ZNF75A: variants seen among roughly 807,000 people sequenced by gnomAD.
ZNF75A encodes zinc finger protein 75A.
A neutral mutation model predicts 46.3 loss-of-function variants in ZNF75A; 36 were observed. That is an observed-to-expected ratio of 0.78 (90% CI 0.60 to 1.03). The LOEUF (loss-of-function observed/expected upper bound fraction) is 1.03, where lower values mean the gene tolerates loss of function less well. Among genes scored for constraint, ZNF75A ranks in the 50% least tolerant of loss-of-function variants. ZNF75A has a pLI of 0.00. For synonymous variants in ZNF75A, 234 were observed against 189.9 expected (o/e 1.23, Z -1.91); for missense variants, 595 against 551.3 (o/e 1.08, Z -0.79).
chr16:3,313,147 G>C lies in ZNF75A; in HGVS notation c.795G>C (p.Gln265His). Residue 265 changes from glutamine (Q) to histidine (H), a missense_variant, in exon 5 of 7, where the codon CAG becomes CAC. Transcript: ENST00000669516. ...TQKALYNDVM[Q>H]ENYETVISLA... is the part of the protein sequence containing the mutation. ...AGGCCCTCTACAATGATGTAATGCA[G>C]GAAAACTATGAGACTGTCATCTCTC... The C allele has an allele frequency of 6.2e-7, 1 of 1,614,024 alleles. No individual in the cohort carries two copies. The highest frequency in any genetic ancestry group is 8.5e-7 in the Non-Finnish European group (1 of 1,179,950).
Position 3,308,605 on chromosome 16 carries a change from A to T in ZNF75A, c.177A>T (p.Ala59=), listed in dbSNP as rs1214441427. 1 of 986,072 alleles carries T rather than the reference A, an allele frequency of 1.0e-6. No homozygotes were observed. Among genetic ancestry groups the T allele is most frequent in the Non-Finnish European group, 1.2e-6 (1 of 830,012 alleles). The allele number at this position is 986,072 out of a possible 1,614,324, so 61.1% of individuals were successfully genotyped here. The change falls in exon 2 of 7, where the codon GCA becomes GCT. Residue 59 remains alanine, a synonymous_variant. Transcript: ENST00000669516. ...WHFRNFTYDE[A]GGPREAVSKL... is the part of the protein sequence containing the mutation. ...TCCGGAATTTCACCTATGATGAAGC[A>T]GGTGGACCCCGTGAGGCTGTCAGCA...
chr16:3,312,693 G>C lies in ZNF75A; in HGVS notation c.621G>C (p.Gln207His), dbSNP rs145689947. 2.8e-5 allele frequency: 28 copies of C among 1,016,532 alleles called. No individual in the cohort carries two copies. In the South Asian group the frequency reaches 3.3e-4, roughly 12 times the overall value. 63.0% of individuals were successfully genotyped at this position (1,016,532 alleles called of 1,614,324 possible). Reference protein sequence around the residue: ...PVYERAVPTQQILAFPEQTNT... With the variant: ...PVYERAVPTQHILAFPEQTNT... The stretch of plus-strand genomic sequence containing the variant: ...CCCCCACAGCTGTGCCTACTCAACA[G>C]ATTCTAGCTTTTCCTGAGCAAACAA... Residue 207 changes from glutamine to histidine, a missense_variant, in exon 4 of 7, where the codon CAG (glutamine) becomes CAC (histidine). Transcript: ENST00000669516.
downstream of ZNF75A, among the ~76,000 whole-genome samples, chr16:3,321,404 C>G (rs948820916): frequency 5.9e-5 from 9 of 152,296 alleles, no homozygotes; most frequent in Non-Finnish European, 1.0e-4. Context: ...CTGCACTAGT[C>G]TAAGTTCAGT....
intron 2 of ZNF75A, among the ~76,000 whole-genome samples, chr16:3,310,306 A>G (rs1172766235): frequency 6.6e-6 from 1 of 152,012 alleles, no homozygotes; most frequent in African/African-American, 2.4e-5. Flanking sequence ...AGGCAGGAGA[A>G]TGGCTTGAAC....
intron 5 of ZNF75A, among the ~76,000 whole-genome samples, chr16:3,314,012 C>CT (rs1414381402): frequency 1.3e-5 from 2 of 152,066 alleles, no homozygotes; most frequent in Non-Finnish European, 2.9e-5. Flanking sequence ...TTGAGTACAT[C>CT]TAAGTTTTGC....
At chr16:3,306,957 T>C (rs1960314141) in intron 1 of ZNF75A, 2 of 151,988 alleles carry the variant, frequency 1.3e-5, no homozygotes, top group African/African-American at 4.8e-5. Context: ...AATAACTTTT[T>C]TTTTTTTTTT....
At chr16:3,306,066 C>T (rs906359054) in intron 1 of ZNF75A, 1 of 152,210 alleles carries the variant, frequency 6.6e-6, no homozygotes, top group Non-Finnish European at 1.5e-5. Context: ...GGAAGTGTCT[C>T]TTTGCTTCTG....
chr16:3,315,191 T>TG, intron 5 of ZNF75A: 3 of 533,972 alleles, frequency 5.6e-6, no homozygotes, highest in Non-Finnish European at 4.8e-6. Flanking sequence ...CTGTCATGTT[T>TG]TTTTTTTTTT....
chr16:3,314,215 CAGAA>C (rs756840980), intron 5 of ZNF75A, among the ~76,000 whole-genome samples: 4 of 152,118 alleles, frequency 2.6e-5, no homozygotes, highest in Non-Finnish European at 4.4e-5. Flanking sequence ...CCTATCTTTC[CAGAA>C]AGAATCAGGA....
intron 5 of ZNF75A, chr16:3,316,628 A>G (rs960035745): frequency 8.7e-6 from 2 of 229,910 alleles, no homozygotes; most frequent in African/African-American, 4.6e-5. Context: ...CCTTGGTTGG[A>G]TATAGGGTAT....
chr16:3,317,421 T>C lies in ZNF75A; in HGVS notation c.1166T>C (p.Met389Thr), dbSNP rs748568648. ...STWKQELLKL[M>T]DRHKKDCARE... ...TGGAAACAAGAGCTGCTCAAACTTA[T>C]GGATCGTCACAAGAAAGATTGTGCA... is the stretch of plus-strand genomic sequence containing the variant. The change falls in exon 7 of 7, where the codon ATG becomes ACG. Residue 389 changes from methionine to threonine, a missense_variant. By Grantham distance (81) the Met-to-Thr change is moderately conservative. Transcript: ENST00000669516. The C allele has an allele frequency of 1.2e-5, 19 of 1,614,124 alleles. No homozygotes were observed. Among genetic ancestry groups the C allele is most frequent in the Middle Eastern group, 1.6e-4 (1 of 6,062 alleles).
Position 3,310,889 on chromosome 16 carries a change from G to A in ZNF75A, c.409-864G>A, listed in dbSNP as rs141898819. 303 of 985,358 alleles carry A rather than the reference G, an allele frequency of 3.1e-4. 1 individual carries two copies. The African/African-American group carries it at 4.3e-3, about 14-fold the overall frequency. The allele number at this position is 985,358 out of a possible 1,614,324, so 61.0% of individuals were successfully genotyped here. A position where few individuals can be genotyped will look rare whatever the true frequency, so the allele number is the denominator to read the frequency against. ...GGGTGGCGACACATCTGCTGACCTC[G>A]GGTCTGCTGGGAAGAATACAGGGCA... On this transcript the variant is annotated intron_variant, in intron 2 of 6. Transcript: ENST00000669516.
downstream of ZNF75A, among the ~76,000 whole-genome samples, chr16:3,322,044 CAT>C (rs1195630445): frequency 6.6e-6 from 1 of 152,180 alleles, no homozygotes; most frequent in African/African-American, 2.4e-5. Flanking sequence ...TCCTCCCTGT[CAT>C]GTGTGATGAA....
intron 2 of ZNF75A, among the ~76,000 whole-genome samples, chr16:3,310,340 G>A (rs1468323080): frequency 6.6e-6 from 1 of 151,898 alleles, no homozygotes; most frequent in Non-Finnish European, 1.5e-5. Context: ...GCTGCAGTGA[G>A]CTGAGATTGC....
At chr16:3,314,788 G>A in intron 5 of ZNF75A, 1 of 985,396 alleles carries the variant, frequency 1.0e-6, no homozygotes, top group Non-Finnish European at 1.2e-6. Context: ...TTTTTCTCAG[G>A]AAGAATTGGA....
At chr16:3,323,074 A>C (rs2030004948), downstream of ZNF75A, 3 of 548,002 alleles carry the variant, frequency 5.5e-6, no homozygotes, top group Non-Finnish European at 8.3e-6. Flanking sequence ...CAGTTTTTGA[A>C]GATAAAGCAG....
At chr16:3,310,071 G>C (rs959253823) in intron 2 of ZNF75A, among the ~76,000 whole-genome samples, 4 of 152,080 alleles carry the variant, frequency 2.6e-5, no homozygotes, top group Admixed American at 2.6e-4. Flanking sequence ...TCTGGCCTGG[G>C]CAACAGAGTG....
At chr16:3,313,788 GA>G (rs1435134179) in intron 5 of ZNF75A, among the ~76,000 whole-genome samples, 2 of 151,810 alleles carry the variant, frequency 1.3e-5, no homozygotes, top group African/African-American at 4.8e-5. Flanking sequence ...CTTACATTCA[GA>G]AAAAAAAGTC....
chr16:3,319,150 G>A (rs1209571851), downstream of ZNF75A, among the ~76,000 whole-genome samples: 2 of 152,062 alleles, frequency 1.3e-5, no homozygotes, highest in African/African-American at 4.8e-5. Flanking sequence ...TTTCGCTCTT[G>A]TCACTCAGGC....
Sources: allele counts gnomAD v4.1 joint callset (sites outside exome capture counted in the v4.1 genomes callset), GRCh38; gene constraint gnomAD v4.1.1; transcripts MANE v1.5; gene names NCBI Gene and HGNC (gene_info 2026-07-23, HGNC 2026-07-21).